DNAJC17: variants seen among roughly 807,000 people sequenced by gnomAD.
DNAJC17 encodes the protein DnaJ heat shock protein family (Hsp40) member C17, also known as dnaJ homolog subfamily C member 17.
DNAJC17 carries 35 observed loss-of-function variants against 48.1 expected under a neutral mutation model. That is an observed-to-expected ratio of 0.73 (90% CI 0.56 to 0.96). The LOEUF is 0.96. Ranked by LOEUF, DNAJC17 falls within the 50% of genes least tolerant of loss-of-function variation. DNAJC17 has a pLI of 0.00. For missense variants in DNAJC17, 355 were observed against 377.1 expected (o/e 0.94, Z 0.48); for synonymous variants, 117 against 142.7 (o/e 0.82, Z 1.28).
intron 2 of DNAJC17, 36 bp from the exon 3 acceptor site, chr15:40,779,639 A>C (rs1889425763): frequency 6.2e-7 from 1 of 1,611,086 alleles, no homozygotes; most frequent in African/African-American, 1.3e-5. Flanking sequence ...AAGAAAAATA[A>C]AGTTAAGACT....
rs1478703525 is a variant in DNAJC17, at chr15:40,769,049, G to A, written c.793-987C>T. Among the ~76,000 whole-genome samples the A allele has an allele frequency of 6.6e-6, 1 of 152,246 alleles. No individual in the cohort carries two copies. Among genetic ancestry groups the A allele is most frequent in the African/African-American group, 2.4e-5 (1 of 41,468 alleles). On this transcript the variant is annotated intron_variant, in intron 10 of 10. Transcript: ENST00000220496. The surrounding 1 kb of genome is among the most constrained non-coding windows in gnomAD (Gnocchi z 4.2). ...GAATAGGAAGGGAGCAGCTAGGGTT[G>A]AGATGCCAGGCCCTGGCCAGCAGGT... is the stretch of plus-strand genomic sequence containing the variant.
rs200269168 is a variant in DNAJC17, at chr15:40,779,641, G to A, written c.149-38C>T. Reference sequence around the variant, plus strand: ...ATCAAAAAGACAGAAGAAAAATAAAGTTAAGACTTCGTAATGGTGTGCTCC... The same window carrying A: ...ATCAAAAAGACAGAAGAAAAATAAAATTAAGACTTCGTAATGGTGTGCTCC... On this transcript the variant is annotated intron_variant, in intron 2 of 10. Coordinates refer to ENST00000220496, the MANE Select transcript of DNAJC17 (RefSeq NM_018163.3). 5.5e-5 allele frequency: 88 copies of A among 1,603,434 alleles called. No homozygotes were observed. The East Asian group carries it at 1.0e-3, about 19-fold the overall frequency.
At chr15:40,781,182 A>G in intron 1 of DNAJC17, among the ~76,000 whole-genome samples, 1 of 146,612 alleles carries the variant, frequency 6.8e-6, no homozygotes, top group Admixed American at 6.8e-5. Flanking sequence ...AAAGATTATG[A>G]TTGGCCAGAC....
chr15:40,801,927 T>C lies in DNAJC17; in HGVS notation c.78+5442A>G, dbSNP rs570248416. The stretch of plus-strand genomic sequence containing the variant: ...TGGCAGGCTCCTCTAAACATTCAGC[T>C]GAGTGGATGGGGGCCTGGGCTGGAG... On this transcript the variant is annotated intron_variant, in intron 1 of 10. Transcript: ENST00000220496. Among the ~76,000 whole-genome samples, 27 of 152,082 alleles carry C rather than the reference T, an allele frequency of 1.8e-4. No individual in the cohort carries two copies. In the East Asian group the frequency reaches 5.2e-3, roughly 29 times the overall value.
Position 40,807,411 on chromosome 15 carries a change from C to G in DNAJC17, c.36G>C (p.Leu12=). 1 of 1,614,262 alleles carries G rather than the reference C, an allele frequency of 6.2e-7. No homozygotes were observed. Among genetic ancestry groups the G allele is most frequent in the Non-Finnish European group, 8.5e-7 (1 of 1,180,048 alleles). ...AVTKELLQMD[L]YALLGIEEKA... ...TCTCCTCAATGCCTAGCAGCGCGTACAGGTCCATCTGTAAGAGCTCCTTGG... is the reference window on the plus strand; with the variant it reads ...TCTCCTCAATGCCTAGCAGCGCGTAGAGGTCCATCTGTAAGAGCTCCTTGG... Residue 12 remains leucine, a synonymous_variant, in exon 1 of 11, where the codon CTG becomes CTC. Transcript: ENST00000220496.
rs911590944 is a variant in DNAJC17, at chr15:40,770,212, G to GT, written c.793-2151dup. On this transcript the variant is annotated intron_variant, in intron 10 of 10. Transcript: ENST00000220496. The surrounding 1 kb of genome is among the most constrained non-coding windows in gnomAD (Gnocchi z 5.0). ...AGTAAGTGCTGCTTCTTCCTCCTGG[G>GT]TTTTTTTCCACTACCCTATTCAGTA... is the stretch of plus-strand genomic sequence containing the variant. 5.1e-5 allele frequency: 19 copies of GT among 370,398 alleles called. No homozygotes were observed. The Admixed American group carries it at 6.8e-4, about 13-fold the overall frequency. The allele number at this position is 370,398 out of a possible 1,614,324, so 22.9% of individuals were successfully genotyped here.
In DNAJC17 at chr15:40,765,623, G is replaced by A; in HGVS notation, c.*2317C>T. Reference sequence around the variant, plus strand: ...GCTAAAGCTGAGCTTTAAGGCACTAGGGAGGGCGCCTACATTGCTCCTCCT... The same window carrying A: ...GCTAAAGCTGAGCTTTAAGGCACTAAGGAGGGCGCCTACATTGCTCCTCCT... On this transcript the variant is annotated 3_prime_UTR_variant, in exon 11 of 11. Transcript: ENST00000220496. 1 of 381,292 alleles carries A rather than the reference G, an allele frequency of 2.6e-6. No homozygotes were observed. The highest frequency in any genetic ancestry group is 4.5e-5 in the Admixed American group (1 of 22,164). 23.6% of individuals were successfully genotyped at this position (381,292 alleles called of 1,614,324 possible). A position where few individuals can be genotyped will look rare whatever the true frequency, so the allele number is the denominator to read the frequency against.
At chr15:40,803,623 C>T (rs550220599) in intron 1 of DNAJC17, among the ~76,000 whole-genome samples, 20 of 152,280 alleles carry the variant, frequency 1.3e-4, no homozygotes, top group African/African-American at 1.9e-4. Context: ...TCTTCAAGGC[C>T]CCAAATACCT....
At position 40,767,091 on chromosome 15, in the gene DNAJC17, AC is replaced by A. The variant is rs1888965523; in HGVS notation, c.*848del. ...GGGAGGAGGCAGGGGGCGTGCACTT[AC>A]CCCAGCGCCCAGCAAGCAGCCAGCA... is the stretch of plus-strand genomic sequence containing the variant. On this transcript the variant is annotated 3_prime_UTR_variant, in exon 11 of 11. Coordinates refer to ENST00000220496, the MANE Select transcript of DNAJC17 (RefSeq NM_018163.3). 3.6e-6 allele frequency: 3 copies of A among 834,512 alleles called. No homozygotes were observed. The highest frequency in any genetic ancestry group is 2.9e-5 in the South Asian group (1 of 34,028). The allele number at this position is 834,512 out of a possible 1,614,324, so 51.7% of individuals were successfully genotyped here. A position where few individuals can be genotyped will look rare whatever the true frequency, so the allele number is the denominator to read the frequency against.
At position 40,773,713 on chromosome 15, in the gene DNAJC17, G is replaced by A. The variant is rs758852497; in HGVS notation, c.792+14C>T. On this transcript the variant is annotated intron_variant, in intron 10 of 10. Coordinates refer to ENST00000220496, the MANE Select transcript of DNAJC17 (RefSeq NM_018163.3). ...AGACCTGAGCGCCCAGCCGGGCGAG[G>A]CCTGACTCCTCACCTTTGACAGTCC... 1.2e-6 allele frequency: 2 copies of A among 1,607,606 alleles called. No homozygotes were observed. The highest frequency in any genetic ancestry group is 4.5e-5 in the East Asian group (2 of 44,720).
In DNAJC17 at chr15:40,767,108, G is replaced by A. The variant is rs1888965960; in HGVS notation, c.*832C>T. 2.7e-6 allele frequency: 3 copies of A among 1,091,152 alleles called. No homozygotes were observed. The highest frequency in any genetic ancestry group is 2.4e-5 in the South Asian group (1 of 41,270). The allele number at this position is 1,091,152 out of a possible 1,614,324, so 67.6% of individuals were successfully genotyped here. A position where few individuals can be genotyped will look rare whatever the true frequency, so the allele number is the denominator to read the frequency against. On this transcript the variant is annotated 3_prime_UTR_variant, in exon 11 of 11. Coordinates refer to ENST00000220496, the MANE Select transcript of DNAJC17 (RefSeq NM_018163.3). The stretch of plus-strand genomic sequence containing the variant: ...GTGCACTTACCCCAGCGCCCAGCAA[G>A]CAGCCAGCAAGTGTGAGTCACTACA...
Position 40,765,758 on chromosome 15 carries a change from G to A in DNAJC17, c.*2182C>T, listed in dbSNP as rs1239340432. 2 of 688,038 alleles carry A rather than the reference G, an allele frequency of 2.9e-6. No individual in the cohort carries two copies. The highest frequency in any genetic ancestry group is 2.5e-6 in the Non-Finnish European group (1 of 407,092). 42.6% of individuals were successfully genotyped at this position (688,038 alleles called of 1,614,324 possible). On this transcript the variant is annotated 3_prime_UTR_variant, in exon 11 of 11. Transcript: ENST00000220496. Reference sequence around the variant, plus strand: ...TACTCAGGGCTAGCAGGCAGGGGAGGAAGGACAGGCAAGACCTTCCACCTC... The same window carrying A: ...TACTCAGGGCTAGCAGGCAGGGGAGAAAGGACAGGCAAGACCTTCCACCTC...
chr15:40,807,086 A>G (rs1211072142), intron 1 of DNAJC17: 4 of 671,198 alleles, frequency 6.0e-6, no homozygotes, highest in Non-Finnish European at 9.9e-6. Flanking sequence ...AGAGGAGGCT[A>G]GCGTTCCTTG....
At chr15:40,807,044 A>G in intron 1 of DNAJC17, 1 of 579,076 alleles carries the variant, frequency 1.7e-6, no homozygotes, top group Non-Finnish European at 3.0e-6. Context: ...TCAAGGCAGA[A>G]GCGGAAACGG....
intron 5 of DNAJC17, 27 bp from the exon 6 acceptor site, chr15:40,776,319 A>G: frequency 6.2e-7 from 1 of 1,608,376 alleles, no homozygotes; most frequent in Non-Finnish European, 8.5e-7. Context: ...GGGGGTGACA[A>G]TTCTGTGCAG....
chr15:40,778,222 C>A (rs967270332), intron 4 of DNAJC17, among the ~76,000 whole-genome samples: 11 of 151,802 alleles, frequency 7.2e-5, no homozygotes, highest in Non-Finnish European at 1.5e-4. Context: ...GAAGACTCAG[C>A]CAGAAATGGT....
In DNAJC17 at chr15:40,769,227, G is replaced by A. The variant is rs1165009173; in HGVS notation, c.793-1165C>T. Among the ~76,000 whole-genome samples the A allele has an allele frequency of 1.3e-5, 2 of 152,166 alleles. No individual in the cohort carries two copies. Among genetic ancestry groups the A allele is most frequent in the African/African-American group, 4.8e-5 (2 of 41,434 alleles). On this transcript the variant is annotated intron_variant, in intron 10 of 10. Coordinates refer to ENST00000220496, the MANE Select transcript of DNAJC17 (RefSeq NM_018163.3). This position sits in a 1 kb window ranked among gnomAD's most constrained non-coding sequence, Gnocchi z 4.2. Reference sequence around the variant, plus strand: ...GCCCAGAGCACGGCTGACAATTCACGGCAGCCTCCCTGGCCCAGCCTCCTG... The same window carrying A: ...GCCCAGAGCACGGCTGACAATTCACAGCAGCCTCCCTGGCCCAGCCTCCTG...
intron 1 of DNAJC17, among the ~76,000 whole-genome samples, chr15:40,794,501 A>G (rs1264412552): frequency 6.6e-6 from 1 of 151,884 alleles, no homozygotes; most frequent in Non-Finnish European, 1.5e-5. Context: ...GTGAGACCCC[A>G]TCTCTACAAA....
chr15:40,794,208 G>A (rs1596095563), intron 1 of DNAJC17, among the ~76,000 whole-genome samples: 1 of 151,962 alleles, frequency 6.6e-6, no homozygotes, highest in African/African-American at 2.4e-5. Flanking sequence ...AAATTAGCCA[G>A]GCATGGTGGT....
Sources: allele counts gnomAD v4.1 joint callset (sites outside exome capture counted in the v4.1 genomes callset), GRCh38; gene constraint gnomAD v4.1.1; non-coding constraint Gnocchi (gnomAD v3.1); transcripts MANE v1.5; gene names NCBI Gene and HGNC (gene_info 2026-07-23, HGNC 2026-07-21).